The following PIP5K1B variants were observed in gnomAD, a reference collection of about 807,000 sequenced individuals.
PIP5K1B encodes phosphatidylinositol 4-phosphate 5-kinase type-1 beta.
A neutral mutation model predicts 67.0 loss-of-function variants in PIP5K1B; 42 were observed. The ratio of observed to expected loss-of-function variants is 0.63; its 90% CI spans 0.49 to 0.81. PIP5K1B has a LOEUF of 0.81. PIP5K1B is among the 30% of genes least tolerant of loss of function. The probability of loss-of-function intolerance (pLI) is 0.00; values close to 1 mark genes in which losing one functional copy is unlikely to be tolerated. For synonymous variants in PIP5K1B, 214 were observed against 231.4 expected, an observed-to-expected ratio of 0.92 and a Z score of 0.68; for missense variants, 459 against 646.3, an observed-to-expected ratio of 0.71 and a Z score of 3.14.
chr9:68,862,407 C>A (rs1209480514), intron 4 of PIP5K1B, among the ~76,000 whole-genome samples: 1 of 152,100 alleles, frequency 6.6e-6, no homozygotes, highest in Non-Finnish European at 1.5e-5. Flanking sequence ...TTAAGGAGAC[C>A]TGAGGATCAA....
intron 4 of PIP5K1B, among the ~76,000 whole-genome samples, chr9:68,862,815 A>G (rs1473921311): frequency 1.9e-5 from 2 of 102,634 alleles, no homozygotes; most frequent in Non-Finnish European, 4.2e-5. Flanking sequence ...AAATAAATAA[A>G]TAAATAAATA....
chr9:68,871,099 G>A (rs1390644780), intron 5 of PIP5K1B, among the ~76,000 whole-genome samples: 1 of 152,174 alleles, frequency 6.6e-6, no homozygotes, highest in African/African-American at 2.4e-5. Context: ...ACAAAGCTGT[G>A]TTGTTATTAG....
intron 2 of PIP5K1B, among the ~76,000 whole-genome samples, chr9:68,765,858 C>G (rs1458642248): frequency 1.3e-5 from 2 of 152,154 alleles, no homozygotes; most frequent in South Asian, 4.1e-4. Context: ...TAGACTTTCT[C>G]AAGGGTGATG....
intron 14 of PIP5K1B, among the ~76,000 whole-genome samples, chr9:68,947,908 A>C (rs546943085): frequency 1.3e-5 from 2 of 152,328 alleles, no homozygotes; most frequent in South Asian, 4.1e-4. Context: ...AGAGGCTTGT[A>C]AGCTTGAGGA....
At chr9:68,895,642 T>A (rs1326063628) in intron 8 of PIP5K1B, among the ~76,000 whole-genome samples, 1 of 139,658 alleles carries the variant, frequency 7.2e-6, no homozygotes, top group African/African-American at 2.6e-5. Context: ...TTTTTTTTTT[T>A]ATTTCTTCCT....
intron 2 of PIP5K1B, among the ~76,000 whole-genome samples, chr9:68,797,790 A>G (rs1168728709): frequency 6.6e-6 from 1 of 152,014 alleles, no homozygotes; most frequent in African/African-American, 2.4e-5. Context: ...ATACTCCAAA[A>G]TGTGATAAAG....
At chr9:68,706,816 T>C (rs1332586930) in intron 1 of PIP5K1B, among the ~76,000 whole-genome samples, 1 of 151,870 alleles carries the variant, frequency 6.6e-6, no homozygotes, top group Non-Finnish European at 1.5e-5. Context: ...GGGAACCCCT[T>C]TTGTCCCTCT....
intron 2 of PIP5K1B, among the ~76,000 whole-genome samples, chr9:68,764,074 C>CTTT (rs72304177): frequency 0.012 from 857 of 73,554 alleles, 52 homozygotes; most frequent in East Asian, 0.048. Context: ...ACTATAACTT[C>CTTT]TTTTTTTTTT....
At chr9:68,851,725 A>C (rs1490625353) in intron 4 of PIP5K1B, among the ~76,000 whole-genome samples, 5 of 152,194 alleles carry the variant, frequency 3.3e-5, no homozygotes, top group African/African-American at 4.8e-5. Context: ...AGGCAAGTTT[A>C]AGTGGGACAG....
intron 5 of PIP5K1B, among the ~76,000 whole-genome samples, chr9:68,865,011 G>C (rs1823287243): frequency 6.6e-6 from 1 of 152,088 alleles, no homozygotes; most frequent in Non-Finnish European, 1.5e-5. Context: ...AATAAAACCT[G>C]TTTGTGGACA....
In PIP5K1B at chr9:68,735,316, C is replaced by CTTTTTTT. The variant is rs558810934; in HGVS notation, c.-242-7163_-242-7157dup. Among the ~76,000 whole-genome samples, 12 of 29,794 alleles carry CTTTTTTT rather than the reference C, an allele frequency of 4.0e-4. 1 individual carries two copies. The highest frequency in any genetic ancestry group is 6.6e-4 in the African/African-American group (5 of 7,596). 19.5% of individuals were successfully genotyped at this position (29,794 alleles called of 152,430 possible). A position where few individuals can be genotyped will look rare whatever the true frequency, so the allele number is the denominator to read the frequency against. On this transcript the variant is annotated intron_variant, in intron 1 of 15. Transcript: ENST00000265382. ...CAGATTTGCTGTTTTCCCCTAGTGTCTTTTTTTTTTTTTTTTTTTTTTTTT... is the reference window on the plus strand; with the variant it reads ...CAGATTTGCTGTTTTCCCCTAGTGTCTTTTTTTTTTTTTTTTTTTTTTTTTTTTTTTT...
Position 68,857,792 on chromosome 9 carries a change from A to G in PIP5K1B, c.70-6045A>G, listed in dbSNP as rs1320500090. ...TGAGGTGGGAGGATGGCTTGAGCCC[A>G]GGAGTTTGAGGTTACAATGAGCTGT... is the stretch of plus-strand genomic sequence containing the variant. On this transcript the variant is annotated intron_variant, in intron 4 of 15. Coordinates refer to ENST00000265382, the MANE Select transcript of PIP5K1B (RefSeq NM_003558.4). Among the ~76,000 whole-genome samples, 10 of 152,200 alleles carry G rather than the reference A, an allele frequency of 6.6e-5. No homozygotes were observed. The East Asian group carries it at 7.7e-4, about 12-fold the overall frequency.
At chr9:68,751,317 G>A (rs1185719628) in intron 2 of PIP5K1B, among the ~76,000 whole-genome samples, 1 of 152,178 alleles carries the variant, frequency 6.6e-6, no homozygotes, top group East Asian at 1.9e-4. Flanking sequence ...AAATATTCAT[G>A]GCACTTGTCA....
chr9:68,897,713 C>T (rs1825159221), intron 8 of PIP5K1B, among the ~76,000 whole-genome samples: 1 of 152,128 alleles, frequency 6.6e-6, no homozygotes, highest in African/African-American at 2.4e-5. Context: ...ATCCAAGAAT[C>T]CCAGACCTTT....
intron 7 of PIP5K1B, among the ~76,000 whole-genome samples, chr9:68,891,839 A>G (rs1242783155): frequency 1.3e-5 from 2 of 152,180 alleles, no homozygotes; most frequent in Non-Finnish European, 2.9e-5. Flanking sequence ...AGAGTGGGAG[A>G]ATATAAGGGA....
At chr9:68,967,265 A>G (rs1829089294) in intron 14 of PIP5K1B, among the ~76,000 whole-genome samples, 1 of 152,342 alleles carries the variant, frequency 6.6e-6, no homozygotes, top group South Asian at 2.1e-4. Flanking sequence ...ATGATCTCTC[A>G]TAACAGATTG....
At chr9:68,752,307 T>G (rs1389481488) in intron 2 of PIP5K1B, among the ~76,000 whole-genome samples, 1 of 152,130 alleles carries the variant, frequency 6.6e-6, no homozygotes, top group Non-Finnish European at 1.5e-5. Flanking sequence ...AACTAGACAG[T>G]GTTAGAGATC....
intron 1 of PIP5K1B, among the ~76,000 whole-genome samples, chr9:68,733,737 T>C (rs1043465238): frequency 9.1e-5 from 13 of 142,132 alleles, no homozygotes; most frequent in African/African-American, 2.9e-4. Context: ...CCTCCCGGGT[T>C]CAGGCAATTC....
At chr9:68,785,693 A>C (rs889337909) in intron 2 of PIP5K1B, among the ~76,000 whole-genome samples, 1 of 152,206 alleles carries the variant, frequency 6.6e-6, no homozygotes, top group African/African-American at 2.4e-5. Context: ...CTTGCCCAGG[A>C]TTCCAGAGCT....
Sources: gnomAD v4.1 joint callset for allele counts (sites outside exome capture counted in the v4.1 genomes callset) on GRCh38, gnomAD v4.1.1 for gene constraint, MANE v1.5 for transcripts, NCBI Gene and HGNC (gene_info 2026-07-23, HGNC 2026-07-21) for gene names.